Variants in ADGRL2 observed in about 807,000 individuals in gnomAD.
ADGRL2 encodes the protein adhesion G protein-coupled receptor L2.
Under a neutral mutation model 157.4 loss-of-function variants are expected in ADGRL2, and 44 were observed. That is an observed-to-expected ratio of 0.28 (90% CI 0.22 to 0.36). ADGRL2 has a LOEUF of 0.36. ADGRL2 is among the 10% of genes least tolerant of loss of function. The pLI is 1.00. For missense variants in ADGRL2, 1,510 were observed against 1,768.9 expected (o/e 0.85, Z 2.63); for synonymous variants, 585 against 624.7 (o/e 0.94, Z 0.95).
At chr1:81,872,243 A>T (rs1189904314) in intron 2 of ADGRL2, among the ~76,000 whole-genome samples, 2 of 152,144 alleles carry the variant, frequency 1.3e-5, no homozygotes, top group Admixed American at 1.3e-4. Context: ...AGATGGTTGT[A>T]GATGTGTGGT....
At chr1:81,968,284 C>A in intron 14 of ADGRL2, 85 bp downstream of exon 14, 1 of 1,121,118 alleles carries the variant, frequency 8.9e-7, no homozygotes, top group Non-Finnish European at 1.3e-6. Context: ...TCTTTGGGTG[C>A]TTACCGTAAC....
intron 3 of ADGRL2, among the ~76,000 whole-genome samples, chr1:81,657,580 A>G (rs993095894): frequency 1.3e-5 from 2 of 152,146 alleles, no homozygotes; most frequent in Non-Finnish European, 2.9e-5. Flanking sequence ...CTAGGCCCAC[A>G]AATCTCACTT....
Position 81,886,519 on chromosome 1 carries a change from A to G in ADGRL2, c.74-20498A>G, listed in dbSNP as rs949859033. Among the ~76,000 whole-genome samples the G allele has an allele frequency of 7.2e-5, 11 of 152,306 alleles. No homozygotes were observed. The South Asian group carries it at 8.3e-4, about 11-fold the overall frequency. On this transcript the variant is annotated intron_variant, in intron 2 of 23. Transcript: ENST00000686636. ...TTATAGTCTATAAAATGTGATTGTA[A>G]TCAGATAATTCTTGGCCAGAAAACG... is the stretch of plus-strand genomic sequence containing the variant.
intron 20 of ADGRL2, 31 bp from the exon 21 acceptor site, chr1:81,985,228 A>T: frequency 7.6e-7 from 1 of 1,312,860 alleles, no homozygotes. Flanking sequence ...AACTAACAAA[A>T]CATATTTGTC....
At chr1:81,696,252 G>A (rs2083441640), upstream of ADGRL2, among the ~76,000 whole-genome samples, 1 of 151,904 alleles carries the variant, frequency 6.6e-6, no homozygotes, top group Non-Finnish European at 1.5e-5. Flanking sequence ...TGTTTAGAGT[G>A]TGTTGTCCGT....
intron 3 of ADGRL2, among the ~76,000 whole-genome samples, chr1:81,922,524 C>CAA (rs2095007067): frequency 6.6e-6 from 1 of 152,096 alleles, no homozygotes; most frequent in East Asian, 1.9e-4. Flanking sequence ...GTAAGGAGTT[C>CAA]AATCTTTTTA....
intron 2 of ADGRL2, among the ~76,000 whole-genome samples, chr1:81,867,708 A>G (rs2093582898): frequency 6.6e-6 from 1 of 152,210 alleles, no homozygotes; most frequent in South Asian, 2.1e-4. Context: ...AAGGAAAACC[A>G]AATACTTCAT....
chr1:81,428,324 T>C (rs371628499), intron 1 of ADGRL2, among the ~76,000 whole-genome samples: 1 of 134,254 alleles, frequency 7.4e-6, no homozygotes, highest in Non-Finnish European at 1.6e-5. Context: ...TTAAAAAAAA[T>C]ATCTCAAAAT....
At chr1:81,397,125 T>C (rs1189508825) in intron 1 of ADGRL2, among the ~76,000 whole-genome samples, 1 of 152,160 alleles carries the variant, frequency 6.6e-6, no homozygotes, top group Non-Finnish European at 1.5e-5. Flanking sequence ...TTTTTATTAC[T>C]GATTCCATCT....
chr1:81,451,976 G>C (rs1212785564), intron 2 of ADGRL2, among the ~76,000 whole-genome samples: 1 of 152,062 alleles, frequency 6.6e-6, no homozygotes, highest in Non-Finnish European at 1.5e-5. Flanking sequence ...CAACTTCTGT[G>C]CGTTCTCTCT....
chr1:81,784,504 G>GCC (rs1384503407), intron 2 of ADGRL2, among the ~76,000 whole-genome samples: 1 of 152,122 alleles, frequency 6.6e-6, no homozygotes, highest in East Asian at 1.9e-4. Context: ...AAGGTAGATG[G>GCC]ATCACTTGAG....
chr1:81,918,636 G>T (rs1471232410), intron 3 of ADGRL2, among the ~76,000 whole-genome samples: 2 of 152,058 alleles, frequency 1.3e-5, no homozygotes, highest in Non-Finnish European at 2.9e-5. Context: ...AGCTCTTGTG[G>T]CAGTGTGGGT....
rs192166626 is a variant in ADGRL2 at position 81,488,846 on chromosome 1, T to G, written c.-248+43757T>G. Among the ~76,000 whole-genome samples the G allele has an allele frequency of 2.2e-3, 341 of 151,850 alleles. 1 individual carries two copies. Among genetic ancestry groups the G allele is most frequent in the African/African-American group, 8.0e-3 (332 of 41,374 alleles). ...ACCTGATGTCTACTAGATAAAGACTTTAAAATAGCACCTTAAAGATATTCA... is the reference window on the plus strand; with the variant it reads ...ACCTGATGTCTACTAGATAAAGACTGTAAAATAGCACCTTAAAGATATTCA... On this transcript the variant is annotated intron_variant, in intron 2 of 24. Coordinates refer to the ADGRL2 transcript ENST00000370721.
intron 2 of ADGRL2, among the ~76,000 whole-genome samples, chr1:81,867,244 T>G (rs2093567161): frequency 6.6e-6 from 1 of 152,208 alleles, no homozygotes; most frequent in Non-Finnish European, 1.5e-5. Flanking sequence ...AATGTCTACT[T>G]TCCTAAAACT....
At chr1:81,887,017 G>A (rs940955091) in intron 2 of ADGRL2, among the ~76,000 whole-genome samples, 1 of 152,062 alleles carries the variant, frequency 6.6e-6, no homozygotes, top group Non-Finnish European at 1.5e-5. Context: ...ATTAAAAAGT[G>A]CCCCCTATTT....
At chr1:81,990,203 T>G in intron 23 of ADGRL2, 188 bp from the exon 24 acceptor site, 1 of 985,366 alleles carries the variant, frequency 1.0e-6, no homozygotes, top group Non-Finnish European at 1.2e-6. Flanking sequence ...TTTTAACACT[T>G]TTTCCTGTTA....
At chr1:81,579,408 G>A (rs1342673735) in intron 2 of ADGRL2, 2 of 152,056 alleles carry the variant, frequency 1.3e-5, no homozygotes, top group Non-Finnish European at 2.9e-5. Flanking sequence ...AGCCTATCGG[G>A]GATTTCTAGA....
chr1:81,717,816 T>C (rs1391344797), intron 1 of ADGRL2, among the ~76,000 whole-genome samples: 3 of 152,228 alleles, frequency 2.0e-5, no homozygotes, highest in Admixed American at 1.3e-4. Flanking sequence ...AATATTTTCT[T>C]GACTGTTTCT....
chr1:81,317,582 T>A (rs1660197729), intron 1 of ADGRL2, among the ~76,000 whole-genome samples: 1 of 152,234 alleles, frequency 6.6e-6, no homozygotes, highest in African/African-American at 2.4e-5. Context: ...TGTTAAGATT[T>A]GTTGTTGAAT....
Sources: gnomAD v4.1 joint callset for allele counts (sites outside exome capture counted in the v4.1 genomes callset) on GRCh38, gnomAD v4.1.1 for gene constraint, MANE v1.5 for transcripts, NCBI Gene and HGNC (gene_info 2026-07-23, HGNC 2026-07-21) for gene names.